The following UBA2 variants were observed in gnomAD, a reference collection of about 807,000 sequenced individuals.
UBA2 encodes ubiquitin like modifier activating enzyme 2, also known as SUMO-activating enzyme subunit 2.
UBA2 carries 11 observed loss-of-function variants against 77.2 expected under a neutral mutation model. The ratio of observed to expected loss-of-function variants is 0.14; its 90% CI spans 0.09 to 0.24. The LOEUF is 0.24. Ranked by LOEUF, UBA2 falls within the 10% of genes least tolerant of loss-of-function variation. The probability of loss-of-function intolerance (pLI) is 1.00; values close to 1 mark genes in which losing one functional copy is unlikely to be tolerated. For synonymous variants in UBA2, 278 were observed against 276.7 expected (o/e 1.00, Z -0.05); for missense variants, 487 against 781.7 (o/e 0.62, Z 4.50).
chr19:34,442,695 T>C (rs1460502922), intron 6 of UBA2, among the ~76,000 whole-genome samples: 1 of 151,960 alleles, frequency 6.6e-6, no homozygotes, highest in Non-Finnish European at 1.5e-5. Flanking sequence ...CCTCCCAAAG[T>C]GTTGGGATTA....
intron 6 of UBA2, among the ~76,000 whole-genome samples, chr19:34,439,666 C>CA (rs1204416681): frequency 1.3e-5 from 2 of 151,682 alleles, no homozygotes; most frequent in Non-Finnish European, 2.9e-5. Context: ...CGTGTCTCTA[C>CA]AAAAAATAGA....
At chr19:34,453,260 T>A (rs1024479420) in intron 10 of UBA2, among the ~76,000 whole-genome samples, 1 of 152,218 alleles carries the variant, frequency 6.6e-6, no homozygotes, top group Non-Finnish European at 1.5e-5. Flanking sequence ...GCTCTCAGTA[T>A]TTTTTCTTCT....
chr19:34,455,005 A>G (rs1382754894), intron 12 of UBA2, among the ~76,000 whole-genome samples: 2 of 152,082 alleles, frequency 1.3e-5, no homozygotes, highest in Admixed American at 6.5e-5. Context: ...CATTTCTGCT[A>G]TTTCTCGTAG....
At chr19:34,438,220 C>CAAA (rs35061343) in intron 5 of UBA2, among the ~76,000 whole-genome samples, 13 of 133,988 alleles carry the variant, frequency 9.7e-5, no homozygotes, top group African/African-American at 3.6e-4. Context: ...TAGTTTTGCT[C>CAAA]AAAAAAAAAA....
At chr19:34,438,235 A>C (rs1040999373) in intron 5 of UBA2, among the ~76,000 whole-genome samples, 10 of 151,622 alleles carry the variant, frequency 6.6e-5, no homozygotes, top group South Asian at 2.1e-4. Context: ...AAAAAAAAAA[A>C]ACACATATAA....
chr19:34,462,706 C>CTCTA (rs1288608718), intron 14 of UBA2, among the ~76,000 whole-genome samples: 1 of 152,104 alleles, frequency 6.6e-6, no homozygotes, highest in African/African-American at 2.4e-5. Flanking sequence ...TGGCTCACAC[C>CTCTA]TCTAATCCTA....
intron 6 of UBA2, among the ~76,000 whole-genome samples, chr19:34,443,286 G>T (rs751700754): frequency 1.1e-4 from 16 of 152,150 alleles, no homozygotes; most frequent in Non-Finnish European, 1.8e-4. Context: ...TTGAGCAGAG[G>T]TTTTAACATT....
intron 6 of UBA2, 151 bp from the exon 7 acceptor site, chr19:34,443,693 G>T: frequency 1.8e-6 from 1 of 543,900 alleles, no homozygotes; most frequent in Non-Finnish European, 3.3e-6. Flanking sequence ...GCCTGCCTCA[G>T]CCTCCCAAAA....
intron 10 of UBA2, among the ~76,000 whole-genome samples, chr19:34,454,036 G>A (rs117520545): frequency 0.016 from 2,485 of 152,180 alleles, 39 homozygotes; most frequent in Admixed American, 0.037. Flanking sequence ...GTTCTTGTCA[G>A]ACTCATTACT....
chr19:34,430,389 AT>A (rs2145485260), intron 1 of UBA2, among the ~76,000 whole-genome samples, 186 bp from the exon 2 acceptor site: 1 of 152,336 alleles, frequency 6.6e-6, no homozygotes, highest in African/African-American at 2.4e-5. Context: ...CTGACATTAA[AT>A]CTAGATTCTT....
chr19:34,467,046 A>AT (rs2075695713), intron 16 of UBA2, 32 bp downstream of exon 16: 1 of 1,603,464 alleles, frequency 6.2e-7, no homozygotes, highest in Non-Finnish European at 8.5e-7. Flanking sequence ...AGGTTGTTAA[A>AT]TACCCACAAA....
intron 9 of UBA2, among the ~76,000 whole-genome samples, chr19:34,450,604 C>T (rs774496297): frequency 7.9e-5 from 12 of 151,842 alleles, no homozygotes; most frequent in Non-Finnish European, 1.6e-4. Flanking sequence ...TTATACACTG[C>T]GTAAATGGAA....
chr19:34,439,811 C>G, intron 6 of UBA2, among the ~76,000 whole-genome samples: 1 of 150,294 alleles, frequency 6.7e-6, no homozygotes, highest in East Asian at 2.0e-4. Context: ...TAGTGAGATC[C>G]TGTCTTAAAA....
At chr19:34,457,178 AAATATATATATATATATATATAT>A (rs923375831) in intron 12 of UBA2, among the ~76,000 whole-genome samples, 1 of 89,768 alleles carries the variant, frequency 1.1e-5, no homozygotes, top group African/African-American at 5.5e-5. Context: ...AAAAAAAAAA[AAATATATATATATATATATATAT>A]ATATATATAT....
intron 3 of UBA2, 35 bp downstream of exon 3, chr19:34,431,966 AGGGTTT>A (rs749824524): frequency 6.5e-7 from 1 of 1,549,076 alleles, no homozygotes; most frequent in Non-Finnish European, 8.8e-7. Flanking sequence ...AAGTTGTATA[AGGGTTT>A]TGTAAGCCAA....
intron 1 of UBA2, 43 bp downstream of exon 1, chr19:34,428,613 G>T: frequency 7.7e-7 from 1 of 1,297,638 alleles, no homozygotes; most frequent in South Asian, 3.3e-5. Flanking sequence ...GCTGTGGTGC[G>T]GGGGCTGGGA....
At chr19:34,434,793 G>C (rs1175862067) in intron 4 of UBA2, 75 bp from the exon 5 acceptor site, 3 of 1,106,212 alleles carry the variant, frequency 2.7e-6, no homozygotes, top group African/African-American at 3.2e-5. Flanking sequence ...AGATAGTTTT[G>C]AGTCTGTGTC....
intron 8 of UBA2, among the ~76,000 whole-genome samples, chr19:34,446,992 G>A (rs1454699214): frequency 6.6e-6 from 1 of 152,068 alleles, no homozygotes; most frequent in East Asian, 1.9e-4. Flanking sequence ...TTCTCTAGAG[G>A]GACAGAGCTA....
intron 1 of UBA2, 25 bp from the exon 2 acceptor site, chr19:34,430,551 T>C: frequency 6.3e-7 from 1 of 1,578,414 alleles, no homozygotes; most frequent in Non-Finnish European, 8.7e-7. Flanking sequence ...CGTTTGTCAT[T>C]TATCTGGGGT....
Sources: gnomAD v4.1 joint callset for allele counts (sites outside exome capture counted in the v4.1 genomes callset) on GRCh38, gnomAD v4.1.1 for gene constraint, MANE v1.5 for transcripts, NCBI Gene and HGNC (gene_info 2026-07-23, HGNC 2026-07-21) for gene names.